Variants in COP1 observed in about 807,000 individuals in gnomAD.
The protein encoded by COP1 is COP1 E3 ubiquitin ligase.
A neutral mutation model predicts 101.3 loss-of-function variants in COP1; 24 were observed. The observed-to-expected ratio is 0.24, with a 90% CI of 0.17 to 0.33. The LOEUF is 0.33. COP1 is among the 10% of genes least tolerant of loss of function. The pLI is 1.00. For synonymous variants in COP1, 347 were observed against 341.9 expected, an observed-to-expected ratio of 1.01 and a Z score of -0.17; for missense variants, 663 against 906.2, an observed-to-expected ratio of 0.73 and a Z score of 3.45.
intron 9 of COP1, among the ~76,000 whole-genome samples, chr1:176,105,921 C>T (rs1336398340): frequency 1.3e-5 from 2 of 152,216 alleles, no homozygotes; most frequent in African/African-American, 4.8e-5. Flanking sequence ...AGAGATCTAA[C>T]CTAACTGACT....
At chr1:176,153,017 A>G (rs980607533) in intron 5 of COP1, among the ~76,000 whole-genome samples, 1 of 152,136 alleles carries the variant, frequency 6.6e-6, no homozygotes, top group African/African-American at 2.4e-5. Flanking sequence ...CTGAGAATGC[A>G]TGAAGATCTT....
intron 15 of COP1, among the ~76,000 whole-genome samples, chr1:176,024,204 AG>A (rs1667289658): frequency 6.6e-6 from 1 of 152,230 alleles, no homozygotes; most frequent in South Asian, 2.1e-4. Context: ...GGTTGCAGTG[AG>A]CCAATATCGT....
chr1:176,031,852 T>C (rs61820961), intron 14 of COP1, among the ~76,000 whole-genome samples: 6,510 of 152,298 alleles, frequency 0.043, 200 homozygotes, highest in Non-Finnish European at 0.06. Context: ...GAATAAAGTA[T>C]ATCATCTAAT....
intron 8 of COP1, among the ~76,000 whole-genome samples, chr1:176,118,340 A>C (rs1283152932): frequency 6.6e-6 from 1 of 152,236 alleles, no homozygotes; most frequent in African/African-American, 2.4e-5. Context: ...ATCTGTCTAC[A>C]CAGCAGTCTT....
chr1:175,973,686 A>T lies in COP1; in HGVS notation c.2133+13257T>A, dbSNP rs144104315. 1.8e-3 allele frequency among the ~76,000 whole-genome samples: 274 copies of T among 152,332 alleles called. 4 individuals carry two copies. The highest frequency in any genetic ancestry group is 0.016 in the Admixed American group (242 of 15,310). ...GAAAAACACCCCCATTAGAGATGTGATATACATAATTTCTACAATGGAAAA... is the reference window on the plus strand; with the variant it reads ...GAAAAACACCCCCATTAGAGATGTGTTATACATAATTTCTACAATGGAAAA... On this transcript the variant is annotated intron_variant, in intron 18 of 19. Transcript: ENST00000367669.
intron 18 of COP1, chr1:175,968,439 A>G (rs778343975): frequency 5.8e-6 from 3 of 518,986 alleles, no homozygotes; most frequent in African/African-American, 5.8e-5. Flanking sequence ...AGCTGTCCTA[A>G]GCCAGACAGA....
At chr1:176,080,311 A>G (rs1024795141) in intron 11 of COP1, among the ~76,000 whole-genome samples, 7 of 152,178 alleles carry the variant, frequency 4.6e-5, no homozygotes, top group Non-Finnish European at 1.0e-4. Context: ...CAAAATAACT[A>G]TATTAGAAAA....
At chr1:175,992,912 G>C (rs933677900) in intron 15 of COP1, among the ~76,000 whole-genome samples, 1 of 152,302 alleles carries the variant, frequency 6.6e-6, no homozygotes, top group South Asian at 2.1e-4. Context: ...CATGCAGCTG[G>C]AGATCTGAGA....
At chr1:176,204,647 C>T (rs550531904) in intron 1 of COP1, among the ~76,000 whole-genome samples, 1 of 152,258 alleles carries the variant, frequency 6.6e-6, no homozygotes, top group East Asian at 1.9e-4. Context: ...CTCAGGACCA[C>T]GGTGGCTCAC....
At chr1:176,054,208 G>A (rs541494575) in intron 11 of COP1, among the ~76,000 whole-genome samples, 1 of 149,288 alleles carries the variant, frequency 6.7e-6, no homozygotes, top group Admixed American at 6.7e-5. Flanking sequence ...CACCCAGGCT[G>A]GGGTGCAGTG....
rs146996533 is a variant in COP1 at position 176,018,981 on chromosome 1, C to T, written c.1729+8591G>A. Among the ~76,000 whole-genome samples, 402 of 149,274 alleles carry T rather than the reference C, an allele frequency of 2.7e-3. 3 individuals are homozygous for T. Among genetic ancestry groups the T allele is most frequent in the African/African-American group, 9.4e-3 (379 of 40,378 alleles). On this transcript the variant is annotated intron_variant, in intron 15 of 19. Coordinates refer to ENST00000367669, the MANE Select transcript of COP1 (RefSeq NM_022457.7). ...AGGAGTTCAAGACGAGCCTGGCCAA[C>T]GTGGTGAAACTCTGTCCCTACTACA...
chr1:175,989,838 C>T (rs1161772489), intron 15 of COP1, among the ~76,000 whole-genome samples: 6 of 152,094 alleles, frequency 3.9e-5, no homozygotes, highest in Admixed American at 3.3e-4. Context: ...ATAAAATACA[C>T]ACACTAAAAA....
At chr1:176,184,716 GA>G (rs1348807011) in intron 1 of COP1, 24 bp from the exon 2 acceptor site, 5 of 1,557,592 alleles carry the variant, frequency 3.2e-6, no homozygotes, top group African/African-American at 2.7e-5. Context: ...AAAAATAATT[GA>G]TTTTTTTTTA....
intron 12 of COP1, among the ~76,000 whole-genome samples, chr1:176,045,871 T>C (rs990625732): frequency 6.6e-6 from 1 of 151,860 alleles, no homozygotes; most frequent in Admixed American, 6.6e-5. Context: ...ATAAGCTACA[T>C]TAATCCTCAT....
intron 14 of COP1, among the ~76,000 whole-genome samples, chr1:176,030,643 T>C (rs1431487861): frequency 6.6e-6 from 1 of 152,120 alleles, no homozygotes; most frequent in African/African-American, 2.4e-5. Context: ...TATAAGATAT[T>C]AGAATTCAAT....
At chr1:176,095,698 A>C (rs1439085969) in intron 9 of COP1, among the ~76,000 whole-genome samples, 1 of 151,820 alleles carries the variant, frequency 6.6e-6, no homozygotes, top group Non-Finnish European at 1.5e-5. Flanking sequence ...AAAAAAAAAA[A>C]GATGTTCTTT....
intron 15 of COP1, among the ~76,000 whole-genome samples, chr1:176,001,781 G>A (rs989446777): frequency 6.6e-6 from 1 of 151,976 alleles, no homozygotes; most frequent in African/African-American, 2.4e-5. Flanking sequence ...TTATGGGGTA[G>A]GTCTCCTGAC....
chr1:175,989,589 T>A (rs1657926434), intron 15 of COP1, 110 bp from the exon 16 acceptor site: 7 of 615,064 alleles, frequency 1.1e-5, no homozygotes, highest in Non-Finnish European at 2.1e-5. Flanking sequence ...TGATGTCTAA[T>A]CTCTAACAGC....
rs1273167309 is a variant in COP1, at chr1:175,961,009, T to C, written c.2134-13770A>G. ...ACAAAAAGGGAGCAGAAAGGTGAAT[T>C]TGCTTCCTCTCTCCTGGAGCTGGGA... On this transcript the variant is annotated intron_variant, in intron 18 of 19. Coordinates refer to ENST00000367669, the MANE Select transcript of COP1 (RefSeq NM_022457.7). Among the ~76,000 whole-genome samples, 2 of 152,136 alleles carry C rather than the reference T, an allele frequency of 1.3e-5. 1 individual carries two copies. Among genetic ancestry groups the C allele is most frequent in the Admixed American group, 1.3e-4 (2 of 15,286 alleles).
Sources: gnomAD v4.1 joint callset for allele counts (sites outside exome capture counted in the v4.1 genomes callset) on GRCh38, gnomAD v4.1.1 for gene constraint, MANE v1.5 for transcripts, NCBI Gene and HGNC (gene_info 2026-07-23, HGNC 2026-07-21) for gene names.